The following LAD1 variants were observed in gnomAD, a reference collection of about 807,000 sequenced individuals.
LAD1 encodes the protein ladinin-1.
In LAD1, 53 loss-of-function variants were observed where a neutral mutation model predicts 54.2. The ratio of observed to expected loss-of-function variants is 0.98; its 90% CI spans 0.78 to 1.23. LAD1 has a LOEUF of 1.23. Ranked by LOEUF, LAD1 falls within the 50% of genes most tolerant of loss-of-function variation. The probability of loss-of-function intolerance (pLI) is 0.00; values close to 1 mark genes in which losing one functional copy is unlikely to be tolerated. For missense variants in LAD1, 637 were observed against 653.3 expected (o/e 0.98, Z 0.27); for synonymous variants, 231 against 257.7 (o/e 0.90, Z 0.99).
At chr1:201,391,332 G>A (rs1662192849) in intron 1 of LAD1, 1 of 364,100 alleles carries the variant, frequency 2.7e-6, no homozygotes, top group Non-Finnish European at 5.4e-6. Flanking sequence ...AACTCCACCA[G>A]TCTATCCATC....
In LAD1 at chr1:201,387,120, C is replaced by A. The variant is rs534710597; in HGVS notation, c.241G>T (p.Glu81Ter). ...AGGATGCTCTGGATGTCCTCGTCCTCATCTTTGGAGGCTGGGGGCAGTGGC... is the reference window on the plus strand; with the variant it reads ...AGGATGCTCTGGATGTCCTCGTCCTAATCTTTGGAGGCTGGGGGCAGTGGC... ...PKPLPPASKD[E>*]DEDIQSILRT... Residue 81 changes from glutamate (E) to a stop codon, truncating the protein, a stop_gained, in exon 3 of 10, where the codon GAG becomes TAG. Coordinates refer to ENST00000391967, the MANE Select transcript of LAD1 (RefSeq NM_005558.4). LOFTEE classifies it high-confidence loss of function. The A allele has an allele frequency of 1.2e-5, 19 of 1,570,274 alleles. No individual in the cohort carries two copies. In the South Asian group the frequency reaches 2.3e-4, roughly 19 times the overall value.
chr1:201,383,027 G>A (rs377363215), intron 7 of LAD1, 47 bp downstream of exon 7: 230 of 1,578,810 alleles, frequency 1.5e-4, no homozygotes, highest in African/African-American at 1.1e-3. Flanking sequence ...TTTTGGAGAC[G>A]TCAGGGCTAA....
intron 1 of LAD1, among the ~76,000 whole-genome samples, chr1:201,390,174 C>T (rs938071648): frequency 6.6e-6 from 1 of 151,788 alleles, no homozygotes; most frequent in Non-Finnish European, 1.5e-5. Flanking sequence ...CCACCTTGGC[C>T]TCCCAAAGTG....
At chr1:201,384,998 C>T (rs1485856430) in intron 4 of LAD1, among the ~76,000 whole-genome samples, 163 bp from the exon 5 acceptor site, 3 of 152,308 alleles carry the variant, frequency 2.0e-5, no homozygotes, top group Non-Finnish European at 4.4e-5. Flanking sequence ...GACAAGCCTT[C>T]GTTAAAGATC....
intron 1 of LAD1, among the ~76,000 whole-genome samples, chr1:201,393,104 G>A (rs183124566): frequency 6.6e-6 from 1 of 152,264 alleles, no homozygotes; most frequent in East Asian, 1.9e-4. Flanking sequence ...GAGTGTGGTG[G>A]GCTGTTGGGT....
At position 201,383,086 on chromosome 1, in the gene LAD1, G is replaced by A. The variant is rs773145094; in HGVS notation, c.1374C>T (p.Ala458=). The A allele has an allele frequency of 6.2e-7, 1 of 1,613,366 alleles. No individual in the cohort carries two copies. Among genetic ancestry groups the A allele is most frequent in the East Asian group, 2.2e-5 (1 of 44,830 alleles). ...ELAGQSRAEP[A]SSRKENLRLS... is the part of the protein sequence containing the mutation. ...CTGAGCCCCTCACCTTCCGGCTGGA[G>A]GCTGGTTCTGCTCGGCTCTGGCCCG... is the stretch of plus-strand genomic sequence containing the variant. Residue 458 remains alanine, a synonymous_variant, in exon 7 of 10, where the codon GCC becomes GCT. Coordinates refer to ENST00000391967, the MANE Select transcript of LAD1 (RefSeq NM_005558.4).
rs1380363272 is a variant in LAD1, at chr1:201,381,755, T to C, written c.*133A>G. 6 of 1,034,392 alleles carry C rather than the reference T, an allele frequency of 5.8e-6. No individual in the cohort carries two copies. The highest frequency in any genetic ancestry group is 7.6e-6 in the Non-Finnish European group (5 of 656,526). The allele number at this position is 1,034,392 out of a possible 1,614,324, so 64.1% of individuals were successfully genotyped here. ...CAAATATTCCTGACCCCAGGGACCC[T>C]GGCCAAACAGATCCACAGGCAAAAA... On this transcript the variant is annotated 3_prime_UTR_variant, in exon 10 of 10. Coordinates refer to ENST00000391967, the MANE Select transcript of LAD1 (RefSeq NM_005558.4).
intron 5 of LAD1, 131 bp from the exon 6 acceptor site, chr1:201,383,520 C>T: frequency 1.2e-6 from 1 of 860,102 alleles, no homozygotes; most frequent in Non-Finnish European, 2.0e-6. Context: ...CTCCATCACA[C>T]AGCAGGCTGT....
intron 4 of LAD1, 96 bp downstream of exon 4, chr1:201,385,605 T>C: frequency 2.2e-6 from 2 of 913,608 alleles, no homozygotes; most frequent in Non-Finnish European, 1.8e-6. Context: ...CCAGGGGACC[T>C]TCCTACCTAA....
chr1:201,391,011 C>T (rs914150011), intron 1 of LAD1: 1 of 437,114 alleles, frequency 2.3e-6, no homozygotes, highest in Admixed American at 2.6e-5. Context: ...GAGATATTTC[C>T]TCACTCAATT....
chr1:201,393,851 C>T (rs1244336036), intron 1 of LAD1, among the ~76,000 whole-genome samples: 45 of 112,202 alleles, frequency 4.0e-4, no homozygotes, highest in African/African-American at 3.9e-4. Flanking sequence ...TTAAGTTTTG[C>T]TTTTTTTTTT....
intron 1 of LAD1, 138 bp from the exon 2 acceptor site, chr1:201,389,441 A>C: frequency 1.0e-6 from 1 of 993,270 alleles, no homozygotes; most frequent in Non-Finnish European, 1.4e-6. Flanking sequence ...AGTGCTTGAA[A>C]CGTGGCTGGT....
In LAD1 at chr1:201,383,568, G is replaced by A. The variant is rs796494731; in HGVS notation, c.1176-179C>T. 8 of 651,592 alleles carry A rather than the reference G, an allele frequency of 1.2e-5. No homozygotes were observed. The African/African-American group carries it at 1.3e-4, about 10-fold the overall frequency. The allele number at this position is 651,592 out of a possible 1,614,324, so 40.4% of individuals were successfully genotyped here. A position where few individuals can be genotyped will look rare whatever the true frequency, so the allele number is the denominator to read the frequency against. ...AACATGAGGAACTTACAGACGCCAG[G>A]GATTTCCCTCCACTTCCAAGAAACG... is the stretch of plus-strand genomic sequence containing the variant. On this transcript the variant is annotated intron_variant, in intron 5 of 9. Coordinates refer to ENST00000391967, the MANE Select transcript of LAD1 (RefSeq NM_005558.4).
chr1:201,398,839 T>A (rs28364650), intron 1 of LAD1, among the ~76,000 whole-genome samples: 4,213 of 151,998 alleles, frequency 0.028, 175 homozygotes, highest in East Asian at 0.22. Context: ...CTGCTCCCCC[T>A]CCCAAGAGGG....
At chr1:201,386,253 C>A (rs1024756054) in intron 3 of LAD1, 82 bp downstream of exon 3, 46 of 1,329,450 alleles carry the variant, frequency 3.5e-5, no homozygotes, top group Non-Finnish European at 4.4e-5. Context: ...GCCAGGGAAC[C>A]AGGGACTACC....
intron 9 of LAD1, 97 bp from the exon 10 acceptor site, chr1:201,381,990 C>A: frequency 1.5e-6 from 2 of 1,324,358 alleles, no homozygotes; most frequent in East Asian, 2.3e-5. Flanking sequence ...TGCCCAAGCC[C>A]CACACCCACA....
chr1:201,384,024 G>T (rs905472789), intron 5 of LAD1, among the ~76,000 whole-genome samples: 2 of 152,244 alleles, frequency 1.3e-5, no homozygotes, highest in Admixed American at 6.5e-5. Flanking sequence ...AGGCTGAGCA[G>T]GTGCAGCTAC....
intron 1 of LAD1, among the ~76,000 whole-genome samples, chr1:201,393,409 G>T (rs1178359122): frequency 6.6e-6 from 1 of 152,176 alleles, no homozygotes; most frequent in Admixed American, 6.5e-5. Flanking sequence ...AACCAAAAAA[G>T]GAATTAGTGA....
chr1:201,385,702 C>A lies in LAD1; in HGVS notation c.1130G>T (p.Arg377Leu). ...KRSSPRTISF[R>L]MKPKKENSET... ...GACCAGGGTGCCCAGGGCTCTCACCCGAAAGGAGATGGTCCTGGGGCTGGA... is the reference window on the plus strand; with the variant it reads ...GACCAGGGTGCCCAGGGCTCTCACCAGAAAGGAGATGGTCCTGGGGCTGGA... The change falls in exon 4 of 10, where the codon CGG (arginine) becomes CTG (leucine). Residue 377 changes from arginine to leucine, a missense_variant and splice_region_variant. Transcript: ENST00000391967. 1 of 1,612,830 alleles carries A rather than the reference C, an allele frequency of 6.2e-7. No individual in the cohort carries two copies.
Sources: allele counts gnomAD v4.1 joint callset (sites outside exome capture counted in the v4.1 genomes callset), GRCh38; gene constraint gnomAD v4.1.1; transcripts MANE v1.5; gene names NCBI Gene and HGNC (gene_info 2026-07-23, HGNC 2026-07-21).